The following TTC28 variants were observed in gnomAD, a reference collection of about 807,000 sequenced individuals.
TTC28 encodes tetratricopeptide repeat protein 28.
Under a neutral mutation model 198.0 loss-of-function variants are expected in TTC28, and 61 were observed. The observed-to-expected ratio is 0.31, with a 90% CI of 0.25 to 0.38. The LOEUF (loss-of-function observed/expected upper bound fraction) is 0.38, where lower values mean the gene tolerates loss of function less well. TTC28 is among the 10% of genes least tolerant of loss of function. The pLI is 1.00. For missense variants in TTC28, 2,678 were observed against 3,164.0 expected (o/e 0.85, Z 3.69); for synonymous variants, 1,171 against 1,297.8 (o/e 0.90, Z 2.10).
intron 2 of TTC28, among the ~76,000 whole-genome samples, chr22:28,564,016 A>G (rs2049931455): frequency 6.6e-6 from 1 of 152,204 alleles, no homozygotes. Context: ...ACATTACACT[A>G]AGTGCAAGAA....
At chr22:28,379,790 T>C (rs1262592124) in intron 2 of TTC28, among the ~76,000 whole-genome samples, 3 of 152,150 alleles carry the variant, frequency 2.0e-5, no homozygotes, top group Admixed American at 6.5e-5. Context: ...TTTATCACAA[T>C]TGGAAATAAA....
At chr22:27,995,760 C>T (rs1450631064) in intron 17 of TTC28, among the ~76,000 whole-genome samples, 2 of 152,214 alleles carry the variant, frequency 1.3e-5, no homozygotes, top group Non-Finnish European at 1.5e-5. Context: ...GCCACATGGC[C>T]TGGAAGCTGC....
At chr22:28,070,820 C>T (rs960630120) in intron 12 of TTC28, among the ~76,000 whole-genome samples, 2 of 152,316 alleles carry the variant, frequency 1.3e-5, no homozygotes, top group Non-Finnish European at 2.9e-5. Flanking sequence ...ACAGTTTCAA[C>T]GTATTAAGCC....
chr22:28,216,096 G>T (rs1161657941), intron 5 of TTC28, among the ~76,000 whole-genome samples: 1 of 152,112 alleles, frequency 6.6e-6, no homozygotes, highest in Non-Finnish European at 1.5e-5. Context: ...ATGCACTTTG[G>T]GTCACTCACT....
At chr22:28,619,433 G>A (rs1019012940) in intron 2 of TTC28, among the ~76,000 whole-genome samples, 5 of 152,110 alleles carry the variant, frequency 3.3e-5, no homozygotes, top group Non-Finnish European at 5.9e-5. Flanking sequence ...CTTCACATGC[G>A]TATTATGCCA....
chr22:28,151,793 T>A (rs537899581), intron 6 of TTC28, among the ~76,000 whole-genome samples: 1 of 152,332 alleles, frequency 6.6e-6, no homozygotes, highest in South Asian at 2.1e-4. Context: ...TAGAAAAATC[T>A]GTTTCAGGGC....
rs5844812 is a variant in TTC28, at chr22:28,528,737, TAAAAAAA to T, written c.381+100808_381+100814del. On this transcript the variant is annotated intron_variant, in intron 2 of 22. Coordinates refer to ENST00000397906, the MANE Select transcript of TTC28 (RefSeq NM_001145418.2). ...GGCAACAGAGCAAGACCCTGTCTCATAAAAAAAAAAAAAAAAAAAGGAAAAGAAAAGA... is the reference window on the plus strand; with the variant it reads ...GGCAACAGAGCAAGACCCTGTCTCATAAAAAAAAAAAAGGAAAAGAAAAGA... Among the ~76,000 whole-genome samples, 8 of 89,928 alleles carry T rather than the reference TAAAAAAA, an allele frequency of 8.9e-5. No homozygotes were observed. In the East Asian group the frequency reaches 1.2e-3, roughly 13 times the overall value. 59.0% of individuals were successfully genotyped at this position (89,928 alleles called of 152,430 possible). A position where few individuals can be genotyped will look rare whatever the true frequency, so the allele number is the denominator to read the frequency against.
intron 2 of TTC28, among the ~76,000 whole-genome samples, chr22:28,591,447 A>T (rs2050434689): frequency 6.6e-6 from 1 of 152,122 alleles, no homozygotes; most frequent in South Asian, 2.1e-4. Context: ...CCTGTGAGAG[A>T]TGTGTTACTA....
At chr22:28,606,717 C>G (rs1397020914) in intron 2 of TTC28, among the ~76,000 whole-genome samples, 1 of 152,088 alleles carries the variant, frequency 6.6e-6, no homozygotes, top group African/African-American at 2.4e-5. Context: ...AGCATAGATT[C>G]AAACGCATAC....
At chr22:28,641,666 T>C (rs915899576) in intron 1 of TTC28, among the ~76,000 whole-genome samples, 4 of 152,104 alleles carry the variant, frequency 2.6e-5, no homozygotes, top group African/African-American at 7.2e-5. Context: ...ATGGTGTGAA[T>C]TGCATCTCAA....
chr22:28,636,851 T>A (rs2051281254), intron 1 of TTC28, among the ~76,000 whole-genome samples: 1 of 152,090 alleles, frequency 6.6e-6, no homozygotes, highest in Non-Finnish European at 1.5e-5. Flanking sequence ...GACTGTTTCC[T>A]TTTTTGTGGA....
chr22:28,555,740 C>A (rs1447487906), intron 2 of TTC28, among the ~76,000 whole-genome samples: 1 of 152,090 alleles, frequency 6.6e-6, no homozygotes, highest in African/African-American at 2.4e-5. Flanking sequence ...TTTGGGCATG[C>A]TGCTCGGGCG....
intron 5 of TTC28, among the ~76,000 whole-genome samples, chr22:28,256,098 G>C (rs1195158963): frequency 6.6e-6 from 1 of 151,804 alleles, no homozygotes; most frequent in African/African-American, 2.4e-5. Flanking sequence ...GGCTAAAAGG[G>C]GACACAAGGT....
Position 28,297,726 on chromosome 22 carries a change from A to T in TTC28, c.656T>A (p.Leu219Ter). Residue 219 changes from leucine to a stop codon, truncating the protein, a stop_gained, in exon 4 of 23, where the codon TTA (leucine) becomes TAA (stop). Transcript: ENST00000397906. LOFTEE classifies it high-confidence loss of function. ...GGTGCCAATCTTCAGTGCGGCTTCT[A>T]AGACAACCACAGAGGCCCCATGATG... The part of the protein sequence containing the change: ...AGHHGASVVV[L>*]EAALKIGTCS... 6.4e-7 allele frequency: 1 copy of T among 1,551,684 alleles called. No homozygotes were observed. Among genetic ancestry groups the T allele is most frequent in the Non-Finnish European group, 8.7e-7 (1 of 1,146,980 alleles).
chr22:28,424,872 A>T (rs1486612437), intron 2 of TTC28, among the ~76,000 whole-genome samples: 1 of 152,166 alleles, frequency 6.6e-6, no homozygotes, highest in Non-Finnish European at 1.5e-5. Context: ...TGAATATTTC[A>T]TTGTTTAGGC....
intron 2 of TTC28, among the ~76,000 whole-genome samples, chr22:28,529,581 G>C (rs2049086641): frequency 6.6e-6 from 1 of 152,212 alleles, no homozygotes. Context: ...CATGGAGTTT[G>C]AGATCTGAGA....
intron 2 of TTC28, among the ~76,000 whole-genome samples, chr22:28,418,205 T>C (rs2146159239): frequency 6.6e-6 from 1 of 152,304 alleles, no homozygotes; most frequent in Admixed American, 6.5e-5. Context: ...TCAGCAAAGC[T>C]GTGTCTTCAG....
At chr22:28,137,009 G>A (rs951146215) in intron 6 of TTC28, among the ~76,000 whole-genome samples, 5 of 152,278 alleles carry the variant, frequency 3.3e-5, no homozygotes, top group East Asian at 1.9e-4. Context: ...CCTCCAGGGC[G>A]CTGAATTAAG....
chr22:27,992,501 A>G (rs1937452158), intron 19 of TTC28, 86 bp downstream of exon 19: 2 of 1,353,828 alleles, frequency 1.5e-6, no homozygotes, highest in Non-Finnish European at 1.0e-6. Flanking sequence ...ATTCACTTAC[A>G]GGTTCCTATT....
Sources: allele counts gnomAD v4.1 joint callset (sites outside exome capture counted in the v4.1 genomes callset), GRCh38; gene constraint gnomAD v4.1.1; transcripts MANE v1.5; gene names NCBI Gene and HGNC (gene_info 2026-07-23, HGNC 2026-07-21).